Variants in GALK2 observed in about 807,000 individuals in gnomAD.
The protein encoded by GALK2 is N-acetylgalactosamine kinase.
Under a neutral mutation model 52.4 loss-of-function variants are expected in GALK2, and 36 were observed. The observed-to-expected ratio is 0.69, with a 90% confidence interval of 0.53 to 0.91. GALK2 has a LOEUF of 0.91. Among genes scored for constraint, GALK2 ranks in the 40% least tolerant of loss-of-function variants. The pLI, the probability that GALK2 is intolerant of heterozygous loss-of-function variation, is 0.00. For synonymous variants in GALK2, 176 were observed against 199.1 expected (o/e 0.88, Z 0.98); for missense variants, 579 against 559.1 (o/e 1.04, Z -0.36).
intron 3 of GALK2, among the ~76,000 whole-genome samples, chr15:49,352,995 A>C (rs1273081603): frequency 1.3e-5 from 2 of 152,224 alleles, no homozygotes; most frequent in Non-Finnish European, 1.5e-5. Context: ...TTAGGGGACT[A>C]TGCACAGACA....
chr15:49,359,002 T>C (rs1291891188), intron 3 of GALK2, among the ~76,000 whole-genome samples: 1 of 151,758 alleles, frequency 6.6e-6, no homozygotes, highest in African/African-American at 2.4e-5. Flanking sequence ...ATTCCCTATT[T>C]AATAAATGGT....
intron 2 of GALK2, among the ~76,000 whole-genome samples, chr15:49,204,646 A>G (rs538129260): frequency 2.0e-5 from 3 of 152,210 alleles, no homozygotes; most frequent in Non-Finnish European, 2.9e-5. Flanking sequence ...TTATTGGTGT[A>G]TAGAAACACT....
chr15:49,170,686 ACTC>A (rs34908760), intron 1 of GALK2: 83,391 of 295,046 alleles, frequency 0.28, 13,048 homozygotes, highest in East Asian at 0.46. Flanking sequence ...TCCACACTGA[ACTC>A]CTCTCTTTGT....
chr15:49,357,872 C>G (rs1408125723), intron 3 of GALK2, among the ~76,000 whole-genome samples: 1 of 151,968 alleles, frequency 6.6e-6, no homozygotes, highest in Non-Finnish European at 1.5e-5. Context: ...AGCAGCCCAT[C>G]AAAAAGCTTA....
At chr15:49,271,278 C>CA (rs1356996406) in intron 5 of GALK2, among the ~76,000 whole-genome samples, 2 of 152,274 alleles carry the variant, frequency 1.3e-5, no homozygotes, top group East Asian at 3.9e-4. Context: ...TGGCTTTCCC[C>CA]AACAACTTTT....
chr15:49,192,841 G>A (rs1241124519), intron 1 of GALK2, among the ~76,000 whole-genome samples: 1 of 151,844 alleles, frequency 6.6e-6, no homozygotes, highest in East Asian at 1.9e-4. Context: ...TTTAGAGACA[G>A]GTCACCCTAT....
intron 3 of GALK2, chr15:49,365,898 G>T: frequency 1.0e-6 from 1 of 962,142 alleles, no homozygotes; most frequent in Non-Finnish European, 1.7e-6. Context: ...CAGCAAGAGA[G>T]TTGTACAGAC....
chr15:49,331,852 A>G lies in GALK2; in HGVS notation c.*3693A>G. The G allele has an allele frequency of 1.3e-6, 2 of 1,593,750 alleles. No individual in the cohort carries two copies. The highest frequency in any genetic ancestry group is 2.7e-5 in the African/African-American group (2 of 74,622). On this transcript the variant is annotated 3_prime_UTR_variant, in exon 10 of 10. Coordinates refer to ENST00000560031, the MANE Select transcript of GALK2 (RefSeq NM_002044.4). ...TCTTGGTAGCCTTTGCTTGGAGTCT[A>G]ATCATGGAATAAAGAAAATCAGTAA... is the stretch of plus-strand genomic sequence containing the variant.
chr15:49,236,666 A>G (rs2141485631), intron 4 of GALK2, among the ~76,000 whole-genome samples: 1 of 152,330 alleles, frequency 6.6e-6, no homozygotes, highest in African/African-American at 2.4e-5. Flanking sequence ...TTTATATTGC[A>G]ATAATTATTT....
At chr15:49,155,857 C>T (rs1322370196) in exon 1 of GALK2, 2 of 959,140 alleles carry the variant, frequency 2.1e-6, no homozygotes, top group South Asian at 3.0e-5. Flanking sequence ...GCGTCGGAAA[C>T]TGCGCTCGCA....
At chr15:49,323,026 T>A (rs1227235141) in intron 9 of GALK2, among the ~76,000 whole-genome samples, 2 of 150,134 alleles carry the variant, frequency 1.3e-5, no homozygotes, top group Non-Finnish European at 3.0e-5. Flanking sequence ...AAGGAGGGGT[T>A]CAGAAGAATG....
chr15:49,225,583 C>A (rs2090085420), intron 3 of GALK2, among the ~76,000 whole-genome samples: 1 of 152,170 alleles, frequency 6.6e-6, no homozygotes, highest in Non-Finnish European at 1.5e-5. Flanking sequence ...AATTGTCTTC[C>A]ACAAAACTGG....
chr15:49,307,779 C>G (rs1269488835), intron 8 of GALK2, among the ~76,000 whole-genome samples: 1 of 152,216 alleles, frequency 6.6e-6, no homozygotes, highest in African/African-American at 2.4e-5. Context: ...CTCCATAAAA[C>G]AGCATTATGC....
chr15:49,320,404 C>G (rs1421781701), intron 9 of GALK2, among the ~76,000 whole-genome samples: 1 of 152,204 alleles, frequency 6.6e-6, no homozygotes, highest in East Asian at 1.9e-4. Flanking sequence ...AAGAGGACAA[C>G]TCTTTCACAA....
At chr15:49,283,805 C>A in intron 7 of GALK2, 87 bp downstream of exon 7, 4 of 1,383,738 alleles carry the variant, frequency 2.9e-6, no homozygotes, top group Non-Finnish European at 4.0e-6. Context: ...TCTCTTTCCC[C>A]AAATTTTAGG....
At chr15:49,171,388 CTTTGCTG>C (rs763283378) in intron 1 of GALK2, among the ~76,000 whole-genome samples, 11 of 152,034 alleles carry the variant, frequency 7.2e-5, no homozygotes, top group Non-Finnish European at 1.3e-4. Flanking sequence ...GGCCCTCTGC[CTTTGCTG>C]TTTTCAGTTT....
At chr15:49,295,154 AAG>A (rs1040905456) in intron 8 of GALK2, among the ~76,000 whole-genome samples, 21 of 151,938 alleles carry the variant, frequency 1.4e-4, no homozygotes, top group Admixed American at 2.6e-4. Flanking sequence ...GGAAAGAAGA[AAG>A]AGAAGAAGGA....
rs529102122 is a variant in GALK2 at position 49,310,702 on chromosome 15, T to C, written c.968-8902T>C. On this transcript the variant is annotated intron_variant, in intron 8 of 9. Transcript: ENST00000560031. ...TATGTCTTCTTTTGAGAAATCTCTA[T>C]TCAGACCCTTTGCCTATTTTTTAAT... Among the ~76,000 whole-genome samples the C allele has an allele frequency of 2.0e-5, 3 of 152,316 alleles. No homozygotes were observed. In the East Asian group the frequency reaches 5.8e-4, roughly 29 times the overall value.
chr15:49,228,844 A>G (rs1421915315), intron 3 of GALK2, among the ~76,000 whole-genome samples: 2 of 149,924 alleles, frequency 1.3e-5, no homozygotes, highest in African/African-American at 4.9e-5. Context: ...ACAGGCACCC[A>G]CCACCACACC....
Sources: gnomAD v4.1 joint callset for allele counts (sites outside exome capture counted in the v4.1 genomes callset) on GRCh38, gnomAD v4.1.1 for gene constraint, MANE v1.5 for transcripts, NCBI Gene and HGNC (gene_info 2026-07-23, HGNC 2026-07-21) for gene names.